The following PPP1R42 variants were observed in gnomAD, a reference collection of about 807,000 sequenced individuals.
PPP1R42 encodes leucine rich repeat containing 67.
A neutral mutation model predicts 31.0 loss-of-function variants in PPP1R42; 34 were observed. The observed-to-expected ratio is 1.10, with a 90% CI of 0.83 to 1.46. The LOEUF is 1.46. PPP1R42 is among the 40% of genes most tolerant of loss of function. The pLI, the probability that PPP1R42 is intolerant of heterozygous loss-of-function variation, is 0.00. For synonymous variants in PPP1R42, 103 were observed against 109.8 expected (o/e 0.94, Z 0.39); for missense variants, 268 against 303.0 (o/e 0.88, Z 0.86).
At chr8:66,989,895 A>G (rs1479696899) in intron 5 of PPP1R42, among the ~76,000 whole-genome samples, 2 of 152,222 alleles carry the variant, frequency 1.3e-5, no homozygotes, top group Non-Finnish European at 2.9e-5. Context: ...GAACAAAGAA[A>G]GTAATAAATG....
At chr8:66,982,623 T>C (rs1814877583) in intron 6 of PPP1R42, among the ~76,000 whole-genome samples, 1 of 151,998 alleles carries the variant, frequency 6.6e-6, no homozygotes, top group Admixed American at 6.6e-5. Context: ...TCCCCAGCTA[T>C]TTTTTTGTAT....
At chr8:67,022,736 C>A (rs900748934) in intron 1 of PPP1R42, among the ~76,000 whole-genome samples, 2 of 151,988 alleles carry the variant, frequency 1.3e-5, no homozygotes, top group Non-Finnish European at 2.9e-5. Flanking sequence ...TTATGAGAAC[C>A]AATTACCCCA....
intron 7 of PPP1R42, among the ~76,000 whole-genome samples, chr8:66,971,662 T>C (rs1437706485): frequency 1.3e-5 from 2 of 152,200 alleles, no homozygotes; most frequent in Non-Finnish European, 2.9e-5. Context: ...ATGTTTGTTA[T>C]GAATTTTTCT....
At chr8:66,965,214 A>G (rs1207370787) in intron 7 of PPP1R42, among the ~76,000 whole-genome samples, 1 of 151,210 alleles carries the variant, frequency 6.6e-6, no homozygotes, top group African/African-American at 2.4e-5. Flanking sequence ...CAGTGAGTCA[A>G]GATTGCGCCA....
chr8:66,971,746 T>G (rs538189539), intron 7 of PPP1R42, among the ~76,000 whole-genome samples: 1 of 152,384 alleles, frequency 6.6e-6, no homozygotes, highest in South Asian at 2.1e-4. Flanking sequence ...TATTAAAGTA[T>G]GTTTACAATT....
intron 6 of PPP1R42, among the ~76,000 whole-genome samples, chr8:66,987,532 T>TC (rs1180641115): frequency 6.6e-6 from 1 of 152,096 alleles, no homozygotes; most frequent in Non-Finnish European, 1.5e-5. Context: ...TCTCAGGCAA[T>TC]CCACCTACCG....
chr8:66,977,666 C>T (rs934832520), intron 7 of PPP1R42, among the ~76,000 whole-genome samples: 5 of 151,968 alleles, frequency 3.3e-5, no homozygotes, highest in South Asian at 2.1e-4. Flanking sequence ...CCACCATGCC[C>T]GGCTAATTTT....
chr8:67,016,190 A>T (rs1170296350), intron 2 of PPP1R42, among the ~76,000 whole-genome samples: 1 of 152,218 alleles, frequency 6.6e-6, no homozygotes, highest in African/African-American at 2.4e-5. Context: ...TCCCTACAAA[A>T]AAACCAAGCA....
chr8:66,964,294 T>G lies in PPP1R42; in HGVS notation c.*27A>C. Reference sequence around the variant, plus strand: ...AAGAGGTGAGGTTCATGCACATCATTTTTTGTCAGCAAGCTTTCAGATTGC... The same window carrying G: ...AAGAGGTGAGGTTCATGCACATCATGTTTTGTCAGCAAGCTTTCAGATTGC... On this transcript the variant is annotated 3_prime_UTR_variant, in exon 8 of 8. Coordinates refer to ENST00000685739, the MANE Select transcript of PPP1R42 (RefSeq NM_001364910.1). 7.8e-7 allele frequency: 1 copy of G among 1,280,250 alleles called. No homozygotes were observed. The highest frequency in any genetic ancestry group is 1.3e-5 in the South Asian group (1 of 78,866). 79.3% of individuals were successfully genotyped at this position (1,280,250 alleles called of 1,614,324 possible).
chr8:67,007,890 T>C (rs1815733298), intron 5 of PPP1R42, among the ~76,000 whole-genome samples: 1 of 148,372 alleles, frequency 6.7e-6, no homozygotes, highest in South Asian at 2.2e-4. Context: ...GTTCCTTTTT[T>C]TTTTTTTTTT....
intron 5 of PPP1R42, among the ~76,000 whole-genome samples, chr8:67,010,454 C>T (rs1422390812): frequency 2.6e-5 from 4 of 152,040 alleles, no homozygotes; most frequent in African/African-American, 9.7e-5. Context: ...GAAAATAATG[C>T]AAAGAAGAGA....
chr8:67,018,017 C>A (rs1816068240), intron 1 of PPP1R42, among the ~76,000 whole-genome samples, 186 bp from the exon 2 acceptor site: 1 of 152,110 alleles, frequency 6.6e-6, no homozygotes, highest in South Asian at 2.1e-4. Context: ...TTTAAAGCAT[C>A]AAAATTAAAC....
At chr8:66,991,322 A>G (rs1815183398) in intron 5 of PPP1R42, among the ~76,000 whole-genome samples, 1 of 152,202 alleles carries the variant, frequency 6.6e-6, no homozygotes, top group Non-Finnish European at 1.5e-5. Flanking sequence ...TACAAATGCA[A>G]AAGTCTTATT....
rs767414339 is a variant in PPP1R42, at chr8:66,982,185, A to G, written c.671-5T>C. The G allele has an allele frequency of 2.2e-6, 3 of 1,347,206 alleles. 1 individual carries two copies. The South Asian group carries it at 4.9e-5, about 22-fold the overall frequency. The allele number at this position is 1,347,206 out of a possible 1,614,324, so 83.5% of individuals were successfully genotyped here. On this transcript the variant is annotated splice_polypyrimidine_tract_variant and splice_region_variant and intron_variant, in intron 6 of 7. Coordinates refer to ENST00000685739, the MANE Select transcript of PPP1R42 (RefSeq NM_001364910.1). ...TTTCTTTTCCATCAAGAAATTCTGG[A>G]GAAAAATACATACATTTAAAAAATA...
At chr8:67,002,308 T>C (rs1233775704) in intron 5 of PPP1R42, among the ~76,000 whole-genome samples, 1 of 152,198 alleles carries the variant, frequency 6.6e-6, no homozygotes, top group East Asian at 1.9e-4. Flanking sequence ...CAAGCAACTC[T>C]CCTGCCTCAG....
intron 5 of PPP1R42, among the ~76,000 whole-genome samples, chr8:66,993,754 T>C (rs1440917943): frequency 6.6e-6 from 1 of 152,206 alleles, no homozygotes; most frequent in Non-Finnish European, 1.5e-5. Flanking sequence ...CCAGGGATCA[T>C]ATCTGTTTTC....
At chr8:67,025,638 A>T (rs1265270884) in intron 1 of PPP1R42, among the ~76,000 whole-genome samples, 1 of 152,074 alleles carries the variant, frequency 6.6e-6, no homozygotes, top group Non-Finnish European at 1.5e-5. Context: ...TACAAGTTTA[A>T]TGTGGCATGG....
At chr8:66,983,504 AT>A (rs940297915) in intron 6 of PPP1R42, among the ~76,000 whole-genome samples, 6 of 151,930 alleles carry the variant, frequency 3.9e-5, no homozygotes, top group Admixed American at 3.9e-4. Flanking sequence ...TGCTTGATAG[AT>A]TTTTTCTAAT....
intron 6 of PPP1R42, among the ~76,000 whole-genome samples, chr8:66,987,314 C>A (rs113682835): frequency 0.039 from 4,320 of 111,426 alleles, 148 homozygotes; most frequent in African/African-American, 0.099. Context: ...TTTTTTGAGA[C>A]ATTGTCTCAC....
Sources: gnomAD v4.1 joint callset for allele counts (sites outside exome capture counted in the v4.1 genomes callset) on GRCh38, gnomAD v4.1.1 for gene constraint, MANE v1.5 for transcripts, NCBI Gene and HGNC (gene_info 2026-07-23, HGNC 2026-07-21) for gene names.